Variants in TOMM20 observed in about 807,000 individuals in gnomAD.
The protein encoded by TOMM20 is mitochondrial import receptor subunit TOM20 homolog.
In TOMM20, 10 loss-of-function variants were observed where a neutral mutation model predicts 22.1. The ratio of observed to expected loss-of-function variants is 0.45; its 90% CI spans 0.28 to 0.77. The LOEUF (loss-of-function observed/expected upper bound fraction) is 0.77, where lower values mean the gene tolerates loss of function less well. Ranked by LOEUF, TOMM20 falls within the 30% of genes least tolerant of loss-of-function variation. The pLI, the probability that TOMM20 is intolerant of heterozygous loss-of-function variation, is 0.13. For synonymous variants in TOMM20, 55 were observed against 61.4 expected (o/e 0.90, Z 0.49); for missense variants, 121 against 172.2 (o/e 0.70, Z 1.66).
chr1:235,113,548 C>T (rs2102807365), intron 4 of TOMM20, among the ~76,000 whole-genome samples: 1 of 152,328 alleles, frequency 6.6e-6, no homozygotes. Flanking sequence ...CTAAGACACA[C>T]ACTTCCTGAT....
At position 235,128,722 on chromosome 1, in the gene TOMM20, T is replaced by C. The variant is rs776078101; in HGVS notation, c.-7A>G. 3 of 1,613,872 alleles carry C rather than the reference T, an allele frequency of 1.9e-6. No individual in the cohort carries two copies. Among genetic ancestry groups the C allele is most frequent in the Admixed American group, 1.7e-5 (1 of 60,028 alleles). On this transcript the variant is annotated 5_prime_UTR_variant, in exon 1 of 5. Transcript: ENST00000366607. ...CGCTGTTCCGACCCACCATCTTCTCTACAACGCTGAGCGTGGACGGTGGCG... is the reference window on the plus strand; with the variant it reads ...CGCTGTTCCGACCCACCATCTTCTCCACAACGCTGAGCGTGGACGGTGGCG...
chr1:235,112,126 T>A lies in TOMM20; in HGVS notation c.394-18A>T, dbSNP rs1386659694. On this transcript the variant is annotated intron_variant, in intron 4 of 4. Coordinates refer to ENST00000366607, the MANE Select transcript of TOMM20 (RefSeq NM_014765.3). ...ACAATTCTCTGAAAGAAAAAAAAAA[T>A]AATTTTTTAAAGTGTCATAAGCATT... is the stretch of plus-strand genomic sequence containing the variant. 5.7e-6 allele frequency: 9 copies of A among 1,578,990 alleles called. No individual in the cohort carries two copies. The East Asian group carries it at 6.8e-5, about 12-fold the overall frequency.
At chr1:235,128,439 C>A (rs67807017) in intron 1 of TOMM20, among the ~76,000 whole-genome samples, 156 bp downstream of exon 1, 1 of 152,154 alleles carries the variant, frequency 6.6e-6, no homozygotes, top group Non-Finnish European at 1.5e-5. Context: ...GGCACTAGAG[C>A]CCCCGGAGCG....
chr1:235,116,705 C>T (rs922843422), intron 3 of TOMM20, among the ~76,000 whole-genome samples: 4 of 151,918 alleles, frequency 2.6e-5, no homozygotes, highest in Non-Finnish European at 5.9e-5. Flanking sequence ...AATGAGATGC[C>T]ATCTCAAAAA....
In TOMM20 at chr1:235,113,787, T is replaced by G; in HGVS notation, c.374A>C (p.Lys125Thr). Residue 125 changes from lysine (K) to threonine (T), a missense_variant, in exon 4 of 5, where the codon AAG becomes ACG. Transcript: ENST00000366607. ...PPPVFQMLLT[K>T]LPTISQRIVS... ...CCTTACCTGACTAATTGTTGGGAGC[T>G]TAGTCAGAAGCATCTGGAACACTGG... 2 of 1,611,756 alleles carry G rather than the reference T, an allele frequency of 1.2e-6. No homozygotes were observed. The highest frequency in any genetic ancestry group is 1.7e-6 in the Non-Finnish European group (2 of 1,179,510).
rs746103146 is a variant in TOMM20, at chr1:235,128,767, G to A, written c.-52C>T. 3 of 1,610,462 alleles carry A rather than the reference G, an allele frequency of 1.9e-6. No homozygotes were observed. Among genetic ancestry groups the A allele is most frequent in the Non-Finnish European group, 2.5e-6 (3 of 1,178,806 alleles). ...GTGGCGGCAGGGACCGCGAAGGAGC[G>A]GTGGGCCACGAACCCTCAGAGCGGT... On this transcript the variant is annotated 5_prime_UTR_variant, in exon 1 of 5. Coordinates refer to ENST00000366607, the MANE Select transcript of TOMM20 (RefSeq NM_014765.3).
At chr1:235,123,884 T>C (rs1030242195) in intron 1 of TOMM20, among the ~76,000 whole-genome samples, 1 of 152,186 alleles carries the variant, frequency 6.6e-6, no homozygotes, top group African/African-American at 2.4e-5. Flanking sequence ...TGGTCTACAC[T>C]GGAACCTGTA....
rs1438137882 is a variant in TOMM20 at position 235,109,562 on chromosome 1, C to T, written c.*2502G>A. The T allele has an allele frequency of 3.9e-5, 6 of 152,186 alleles. No homozygotes were observed. Among genetic ancestry groups the T allele is most frequent in the Non-Finnish European group, 8.8e-5 (6 of 68,034 alleles). The allele number at this position is 152,186 out of a possible 1,614,324, so 9.4% of individuals were successfully genotyped here. ...ATGGTAAAATAAACTTACCAAGGGG[C>T]AAAAGGAACCAAACATTTACTGAGT... On this transcript the variant is annotated 3_prime_UTR_variant, in exon 5 of 5. Coordinates refer to ENST00000366607, the MANE Select transcript of TOMM20 (RefSeq NM_014765.3).
chr1:235,115,288 A>C (rs566591817), intron 3 of TOMM20, among the ~76,000 whole-genome samples: 22 of 152,314 alleles, frequency 1.4e-4, no homozygotes, highest in Non-Finnish European at 3.2e-4. Flanking sequence ...TCCCATTAAA[A>C]TATTTTAATG....
intron 3 of TOMM20, among the ~76,000 whole-genome samples, chr1:235,118,529 T>C (rs949079922): frequency 6.6e-6 from 1 of 152,170 alleles, no homozygotes; most frequent in Non-Finnish European, 1.5e-5. Context: ...ACAGATTTTA[T>C]GTATATAGTT....
At chr1:235,128,488 G>C (rs1396387846) in intron 1 of TOMM20, 107 bp downstream of exon 1, 1 of 1,553,118 alleles carries the variant, frequency 6.4e-7, no homozygotes, top group Non-Finnish European at 8.7e-7. Context: ...GCCGCACCAC[G>C]CGGTCGCCCT....
intron 1 of TOMM20, among the ~76,000 whole-genome samples, chr1:235,124,469 G>A (rs533309555): frequency 3.9e-5 from 6 of 152,350 alleles, no homozygotes; most frequent in Admixed American, 6.5e-5. Flanking sequence ...TTTTGGACTT[G>A]AAACATGACT....
chr1:235,119,755 A>G, intron 3 of TOMM20, 63 bp downstream of exon 3: 9 of 1,131,480 alleles, frequency 8.0e-6, no homozygotes, highest in Non-Finnish European at 1.2e-5. Flanking sequence ...GCCCCTTATC[A>G]TTATAAATTT....
chr1:235,115,200 C>T (rs1316744969), intron 3 of TOMM20, among the ~76,000 whole-genome samples: 1 of 152,066 alleles, frequency 6.6e-6, no homozygotes, highest in Non-Finnish European at 1.5e-5. Flanking sequence ...AAATCAAACT[C>T]CAAAAACTGT....
chr1:235,113,953 G>C lies in TOMM20; in HGVS notation c.251-43C>G, dbSNP rs766227600. The C allele has an allele frequency of 4.0e-6, 6 of 1,517,688 alleles. No homozygotes were observed. The East Asian group carries it at 1.4e-4, about 35-fold the overall frequency. The allele number at this position is 1,517,688 out of a possible 1,614,324, so 94.0% of individuals were successfully genotyped here. A position where few individuals can be genotyped will look rare whatever the true frequency, so the allele number is the denominator to read the frequency against. ...AATTACATGTAACCTGAAAAGCCTT[G>C]GCCTTTGTCAAAATTAACTTTACAC... On this transcript the variant is annotated intron_variant, in intron 3 of 4. Coordinates refer to ENST00000366607, the MANE Select transcript of TOMM20 (RefSeq NM_014765.3).
intron 3 of TOMM20, 108 bp downstream of exon 3, chr1:235,119,710 A>G: frequency 3.3e-6 from 2 of 606,066 alleles, no homozygotes; most frequent in Non-Finnish European, 5.6e-6. Flanking sequence ...AGATACTTGG[A>G]GTACCTTTTC....
At chr1:235,125,230 T>C (rs559588461) in intron 1 of TOMM20, among the ~76,000 whole-genome samples, 1 of 152,360 alleles carries the variant, frequency 6.6e-6, no homozygotes, top group South Asian at 2.1e-4. Flanking sequence ...TTTTTTTCTT[T>C]TTGAGACGGA....
rs138790172 is a variant in TOMM20 at position 235,124,817 on chromosome 1, CTT to C, written c.122-2447_122-2446del. ...GGCTTTAGTTTCATAATACAATTAA[CTT>C]ATTACATTAACATATTTTCAGATAT... On this transcript the variant is annotated intron_variant, in intron 1 of 4. Transcript: ENST00000366607. 3.9e-3 allele frequency among the ~76,000 whole-genome samples: 590 copies of C among 152,222 alleles called. 1 individual carries two copies. Among genetic ancestry groups the C allele is most frequent in the African/African-American group, 0.014 (569 of 41,524 alleles).
chr1:235,116,932 G>A lies in TOMM20; in HGVS notation c.250+2886C>T, dbSNP rs373051275. 5.1e-3 allele frequency among the ~76,000 whole-genome samples: 770 copies of A among 150,040 alleles called. 3 individuals are homozygous for A. Among genetic ancestry groups the A allele is most frequent in the Non-Finnish European group, 8.7e-3 (591 of 67,550 alleles). ...GGGCGGATCACAAGGTCAGGAGATCGAGACCATCCTGGCTAACATGGTGAA... is the reference window on the plus strand; with the variant it reads ...GGGCGGATCACAAGGTCAGGAGATCAAGACCATCCTGGCTAACATGGTGAA... On this transcript the variant is annotated intron_variant, in intron 3 of 4. Transcript: ENST00000366607.
Sources: gnomAD v4.1 joint callset for allele counts (sites outside exome capture counted in the v4.1 genomes callset) on GRCh38, gnomAD v4.1.1 for gene constraint, MANE v1.5 for transcripts, NCBI Gene and HGNC (gene_info 2026-07-23, HGNC 2026-07-21) for gene names.